Variants in AGPAT3 observed in about 807,000 individuals in gnomAD.
AGPAT3 encodes the protein 1-acylglycerol-3-phosphate O-acyltransferase 3.
AGPAT3 carries 5 observed loss-of-function variants against 47.3 expected under a neutral mutation model. That is an observed-to-expected ratio of 0.11 (90% CI 0.06 to 0.22). The LOEUF (loss-of-function observed/expected upper bound fraction) is 0.22, where lower values mean the gene tolerates loss of function less well. AGPAT3 is among the 10% of genes least tolerant of loss of function. The pLI is 1.00. For missense variants in AGPAT3, 315 were observed against 493.0 expected, an observed-to-expected ratio of 0.64 and a Z score of 3.42; for synonymous variants, 212 against 208.3, an observed-to-expected ratio of 1.02 and a Z score of -0.15.
At position 43,891,415 on chromosome 21, in the gene AGPAT3, C is replaced by T. The variant is rs577995437; in HGVS notation, c.-111-12542C>T. ...TTGGGAGGCTGAGGTGGGCAGATCA[C>T]GAGGTTAGGAGATTGAGACCATCCT... is the stretch of plus-strand genomic sequence containing the variant. On this transcript the variant is annotated intron_variant, in intron 1 of 9. Coordinates refer to ENST00000291572, the MANE Select transcript of AGPAT3 (RefSeq NM_020132.5). Among the ~76,000 whole-genome samples, 7 of 152,198 alleles carry T rather than the reference C, an allele frequency of 4.6e-5. No individual in the cohort carries two copies. The East Asian group carries it at 7.7e-4, about 17-fold the overall frequency.
chr21:43,964,156 G>T (rs1326487529), intron 3 of AGPAT3, among the ~76,000 whole-genome samples: 2 of 151,636 alleles, frequency 1.3e-5, no homozygotes, highest in African/African-American at 2.4e-5. Flanking sequence ...AGGCCAAGGT[G>T]GGCGGATCAC....
intron 1 of AGPAT3, among the ~76,000 whole-genome samples, chr21:43,887,559 G>T (rs1372652534): frequency 6.6e-6 from 1 of 152,242 alleles, no homozygotes; most frequent in Non-Finnish European, 1.5e-5. Flanking sequence ...ATGCTCAGGT[G>T]GTTGAGGAAT....
At chr21:43,875,613 A>G (rs573040362) in intron 1 of AGPAT3, among the ~76,000 whole-genome samples, 1 of 152,176 alleles carries the variant, frequency 6.6e-6, no homozygotes, top group East Asian at 1.9e-4. Context: ...TTAAATAGGT[A>G]TACATTTTTT....
intron 2 of AGPAT3, among the ~76,000 whole-genome samples, chr21:43,924,258 C>A (rs983259041): frequency 7.9e-5 from 12 of 151,740 alleles, no homozygotes; most frequent in African/African-American, 2.4e-4. Context: ...ATCTCCTGAC[C>A]TCGTGACCCG....
At chr21:43,910,547 G>A (rs995173598) in intron 2 of AGPAT3, among the ~76,000 whole-genome samples, 7 of 152,234 alleles carry the variant, frequency 4.6e-5, no homozygotes, top group African/African-American at 1.4e-4. Context: ...ATACAGTGAG[G>A]TGAAGGTGGA....
intron 1 of AGPAT3, among the ~76,000 whole-genome samples, chr21:43,903,204 T>G (rs140448686): frequency 2.0e-4 from 31 of 151,656 alleles, no homozygotes; most frequent in Admixed American, 6.6e-4. Flanking sequence ...GTCCCTAGAG[T>G]GGTTAACTCG....
chr21:43,915,952 C>T (rs938343398), intron 2 of AGPAT3, among the ~76,000 whole-genome samples: 2 of 152,072 alleles, frequency 1.3e-5, no homozygotes, highest in African/African-American at 4.8e-5. Flanking sequence ...TAAAGCACTG[C>T]TTTAGTTTTA....
chr21:43,935,798 G>A (rs1187815019), intron 2 of AGPAT3, among the ~76,000 whole-genome samples: 3 of 152,184 alleles, frequency 2.0e-5, no homozygotes, highest in Non-Finnish European at 4.4e-5. Context: ...GGCGGCCACG[G>A]AGGAGCTCAG....
At chr21:43,865,831 C>G (rs1252416908) in intron 1 of AGPAT3, among the ~76,000 whole-genome samples, 4 of 152,140 alleles carry the variant, frequency 2.6e-5, no homozygotes, top group Non-Finnish European at 5.9e-5. Context: ...GCGGCGGACC[C>G]GGGACCCCCC....
chr21:43,923,296 C>T (rs551148381), intron 2 of AGPAT3, among the ~76,000 whole-genome samples: 85 of 152,268 alleles, frequency 5.6e-4, no homozygotes, highest in African/African-American at 1.9e-3. Flanking sequence ...GACCGGGCAA[C>T]GCCTCGGGAA....
At chr21:43,935,256 A>G (rs2087401599) in intron 2 of AGPAT3, among the ~76,000 whole-genome samples, 1 of 152,248 alleles carries the variant, frequency 6.6e-6, no homozygotes, top group South Asian at 2.1e-4. Context: ...GTGGTGAGGG[A>G]GCAGGAGGCA....
rs1370621669 is a variant in AGPAT3 at position 43,910,365 on chromosome 21, G to A, written c.-49+6346G>A. Among the ~76,000 whole-genome samples, 3 of 152,220 alleles carry A rather than the reference G, an allele frequency of 2.0e-5. No homozygotes were observed. The South Asian group carries it at 6.2e-4, about 31-fold the overall frequency. ...GCGGCTGTGGCCGCGCGTATTGCCA[G>A]CAGCAGTCTAGGGTCCTAATACAGT... On this transcript the variant is annotated intron_variant, in intron 2 of 9. Coordinates refer to ENST00000291572, the MANE Select transcript of AGPAT3 (RefSeq NM_020132.5).
intron 1 of AGPAT3, among the ~76,000 whole-genome samples, chr21:43,892,170 G>A (rs2086115307): frequency 6.6e-6 from 1 of 152,038 alleles, no homozygotes; most frequent in East Asian, 1.9e-4. Context: ...ACCCAGGCGT[G>A]GTGGTGCACG....
Position 43,925,241 on chromosome 21 carries a change from C to T in AGPAT3, c.-49+21222C>T, listed in dbSNP as rs149678241. 1,146 of 152,740 alleles carry T rather than the reference C, an allele frequency of 7.5e-3. 8 individuals are homozygous for T. Among genetic ancestry groups the T allele is most frequent in the African/African-American group, 0.026 (1,083 of 41,594 alleles). The allele number at this position is 152,740 out of a possible 1,614,324, so 9.5% of individuals were successfully genotyped here. On this transcript the variant is annotated intron_variant, in intron 2 of 9. Coordinates refer to ENST00000291572, the MANE Select transcript of AGPAT3 (RefSeq NM_020132.5). ...CAGCCATGCTGCTGGCTGCTTCTGC[C>T]GTCCTGGCTTGCAGAGACTCTGGGT...
chr21:43,918,629 C>T (rs966871462), intron 2 of AGPAT3, among the ~76,000 whole-genome samples: 1 of 150,350 alleles, frequency 6.7e-6, no homozygotes, highest in African/African-American at 2.5e-5. Flanking sequence ...CTCTGCCACC[C>T]AGGCTGAAGT....
Position 43,917,351 on chromosome 21 carries a change from G to A in AGPAT3, c.-49+13332G>A, listed in dbSNP as rs1054014042. Among the ~76,000 whole-genome samples the A allele has an allele frequency of 2.0e-5, 3 of 152,180 alleles. No homozygotes were observed. The South Asian group carries it at 6.2e-4, about 32-fold the overall frequency. On this transcript the variant is annotated intron_variant, in intron 2 of 9. Transcript: ENST00000291572. ...TCCGGGTCTCTGCTGAGCCCTCCAG[G>A]CGCTCAGGTCTGCCGTCTGGTTGCA...
At chr21:43,971,947 G>A (rs148526936) in intron 7 of AGPAT3, among the ~76,000 whole-genome samples, 12 of 152,254 alleles carry the variant, frequency 7.9e-5, no homozygotes, top group African/African-American at 2.2e-4. Context: ...GGGGGCATAC[G>A]GTGCTGACTT....
chr21:43,895,063 A>G (rs1479213909), intron 1 of AGPAT3, among the ~76,000 whole-genome samples: 1 of 151,200 alleles, frequency 6.6e-6, no homozygotes, highest in Non-Finnish European at 1.5e-5. Context: ...ATTTTTTGAG[A>G]TATATCTTGT....
At chr21:43,917,848 G>A (rs1279601518) in intron 2 of AGPAT3, among the ~76,000 whole-genome samples, 1 of 109,128 alleles carries the variant, frequency 9.2e-6, no homozygotes, top group African/African-American at 3.7e-5. Flanking sequence ...TTGTGTTGTG[G>A]GTGTTGTAGG....
Sources: allele counts gnomAD v4.1 joint callset (sites outside exome capture counted in the v4.1 genomes callset), GRCh38; gene constraint gnomAD v4.1.1; transcripts MANE v1.5; gene names NCBI Gene and HGNC (gene_info 2026-07-23, HGNC 2026-07-21).